Variants in PRSS55 observed in about 807,000 individuals in gnomAD.
PRSS55 encodes serine protease 55.
PRSS55 carries 41 observed loss-of-function variants against 23.6 expected under a neutral mutation model. The observed-to-expected ratio is 1.74, with a 90% CI of 1.35 to 2.26. PRSS55 has a LOEUF of 2.26. Ranked by LOEUF, PRSS55 falls within the 30% of genes most tolerant of loss-of-function variation. The pLI is 0.00. For synonymous variants in PRSS55, 262 were observed against 175.5 expected (o/e 1.49, Z -3.90); for missense variants, 669 against 439.1 (o/e 1.52, Z -4.68).
chr8:10,532,798 A>AGGGGATG, intron 3 of PRSS55, 108 bp from the exon 4 acceptor site: 2 of 1,383,520 alleles, frequency 1.4e-6, no homozygotes, highest in Non-Finnish European at 2.0e-6. Context: ...CTGTGAAGGA[A>AGGGGATG]GGGGATGGGG....
intron 4 of PRSS55, among the ~76,000 whole-genome samples, chr8:10,548,756 C>T (rs1019917448): frequency 5.0e-5 from 6 of 120,776 alleles, no homozygotes; most frequent in Non-Finnish European, 1.1e-4. Flanking sequence ...CGCAGGGCAG[C>T]CACAGGGCTC....
intron 4 of PRSS55, among the ~76,000 whole-genome samples, chr8:10,548,592 C>T (rs1812877182): frequency 6.6e-6 from 1 of 151,818 alleles, no homozygotes. Context: ...CACGGTGAGC[C>T]AGGAATCTGG....
intron 4 of PRSS55, among the ~76,000 whole-genome samples, chr8:10,543,952 T>A (rs192570527): frequency 2.0e-5 from 3 of 152,360 alleles, no homozygotes; most frequent in Admixed American, 1.3e-4. Flanking sequence ...ATATGATCTA[T>A]CCTAAAGAAT....
intron 4 of PRSS55, among the ~76,000 whole-genome samples, chr8:10,553,279 C>T (rs1177963520): frequency 6.6e-6 from 1 of 152,222 alleles, no homozygotes; most frequent in Non-Finnish European, 1.5e-5. Flanking sequence ...TTCCTGAGGC[C>T]TCTCCAGTCA....
Position 10,538,732 on chromosome 8 carries a change from C to T in PRSS55, c.998C>T (p.Pro333Leu). 6.2e-7 allele frequency: 1 copy of T among 1,612,898 alleles called. No homozygotes were observed. The highest frequency in any genetic ancestry group is 8.5e-7 in the Non-Finnish European group (1 of 1,179,436). Residue 333 changes from proline (P) to leucine (L), a missense_variant, in exon 5 of 5, where the codon CCC (proline) becomes CTC (leucine). Pro to Leu is a moderately conservative substitution (Grantham distance 98). Coordinates refer to ENST00000328655, the MANE Select transcript of PRSS55 (RefSeq NM_198464.4). ...PVSGVPEPGS[P>L]RSWLLLCPLS... is the part of the protein sequence containing the mutation. ...TCGGGAGTCCCAGAGCCAGGCAGCC[C>T]CAGATCCTGGCTCCTGCTCTGTCCC...
chr8:10,532,945 C>G lies in PRSS55; in HGVS notation c.638C>G (p.Pro213Arg), dbSNP rs1413965406. ...NSVKTDLMKA[P>R]MVIMDWEECS... is the part of the protein sequence containing the mutation. ...GTGAAAACGGATCTGATGAAAGCGC[C>G]AATGGTCATCATGGACTGGGAGGAG... is the stretch of plus-strand genomic sequence containing the variant. Residue 213 changes from proline to arginine, a missense_variant, in exon 4 of 5, where the codon CCA becomes CGA. Pro to Arg is a moderately radical substitution (Grantham distance 103). Transcript: ENST00000328655. The G allele has an allele frequency of 4.3e-6, 7 of 1,614,114 alleles. No homozygotes were observed. In the South Asian group the frequency reaches 7.7e-5, roughly 18 times the overall value.
chr8:10,535,836 C>A (rs1445743963), intron 4 of PRSS55, among the ~76,000 whole-genome samples: 2 of 152,130 alleles, frequency 1.3e-5, no homozygotes, highest in African/African-American at 4.8e-5. Flanking sequence ...CTAATATTCA[C>A]AATTTATAAG....
downstream of PRSS55, among the ~76,000 whole-genome samples, chr8:10,541,915 A>G (rs987716839): frequency 1.8e-4 from 27 of 152,210 alleles, no homozygotes; most frequent in Admixed American, 1.8e-3. Context: ...CTGGGACTAC[A>G]GGCGCACATC....
chr8:10,551,510 G>A (rs569895012), intron 4 of PRSS55, among the ~76,000 whole-genome samples: 15 of 152,350 alleles, frequency 9.8e-5, no homozygotes, highest in South Asian at 2.1e-4. Flanking sequence ...GTGGAGGCAT[G>A]AACTGAGGAC....
intron 4 of PRSS55, among the ~76,000 whole-genome samples, chr8:10,534,852 A>G (rs1340298852): frequency 6.6e-6 from 1 of 152,222 alleles, no homozygotes; most frequent in South Asian, 2.1e-4. Flanking sequence ...AGAGCTGATA[A>G]GCAACTTCAG....
At chr8:10,535,885 C>A (rs1034763901) in intron 4 of PRSS55, among the ~76,000 whole-genome samples, 1 of 152,150 alleles carries the variant, frequency 6.6e-6, no homozygotes, top group Admixed American at 6.6e-5. Context: ...TAAACAACCT[C>A]ATTAAAAAAT....
At chr8:10,538,891 T>C (rs1585883947), downstream of PRSS55, 2 of 1,286,486 alleles carry the variant, frequency 1.6e-6, no homozygotes, top group South Asian at 1.6e-5. Context: ...AGGATGGAAA[T>C]TGAGGCTGGG....
At chr8:10,542,413 G>GC (rs796787409), downstream of PRSS55, among the ~76,000 whole-genome samples, 78 of 32,928 alleles carry the variant, frequency 2.4e-3, no homozygotes, top group African/African-American at 5.5e-3. Flanking sequence ...GAAGCACCAT[G>GC]CGGGGGAAAA....
At chr8:10,544,134 TTC>T (rs1812749036) in intron 4 of PRSS55, among the ~76,000 whole-genome samples, 1 of 140,286 alleles carries the variant, frequency 7.1e-6, no homozygotes, top group Admixed American at 7.2e-5. Context: ...AGTCTCCAAC[TTC>T]TGTTATTAAA....
chr8:10,532,827 G>C (rs1035003941), intron 3 of PRSS55, 79 bp from the exon 4 acceptor site: 1 of 1,575,802 alleles, frequency 6.3e-7, no homozygotes, highest in African/African-American at 1.3e-5. Context: ...ACACAGGGCC[G>C]AGGGCACAGT....
chr8:10,548,777 CT>C (rs199537417), intron 4 of PRSS55, among the ~76,000 whole-genome samples: 4 of 150,640 alleles, frequency 2.7e-5, no homozygotes, highest in African/African-American at 9.7e-5. Context: ...CCGTGCCCCC[CT>C]CCAGGCAGCC....
At chr8:10,528,051 C>T (rs990541747) in intron 1 of PRSS55, among the ~76,000 whole-genome samples, 1 of 152,022 alleles carries the variant, frequency 6.6e-6, no homozygotes, top group African/African-American at 2.4e-5. Context: ...CCTGTCTCTA[C>T]TAAAAAATAC....
downstream of PRSS55, among the ~76,000 whole-genome samples, chr8:10,543,476 CTCTCTTTTTTTT>C (rs1812726554): frequency 2.8e-4 from 8 of 28,078 alleles, no homozygotes; most frequent in Admixed American, 1.5e-3. Flanking sequence ...TTCTTTCTTT[CTCTCTTTTTTTT>C]TTTTTTCCAA....
intron 2 of PRSS55, among the ~76,000 whole-genome samples, chr8:10,530,222 C>G (rs1812201343): frequency 6.6e-6 from 1 of 152,252 alleles, no homozygotes; most frequent in South Asian, 2.1e-4. Flanking sequence ...GTCATCCCAG[C>G]ACTTCGGGAG....
Sources: allele counts gnomAD v4.1 joint callset (sites outside exome capture counted in the v4.1 genomes callset), GRCh38; gene constraint gnomAD v4.1.1; transcripts MANE v1.5; gene names NCBI Gene and HGNC (gene_info 2026-07-23, HGNC 2026-07-21).